GRK5: variants seen among roughly 807,000 people sequenced by gnomAD.
The protein encoded by GRK5 is G protein-coupled receptor kinase 5, also known as g protein-coupled receptor kinase GRK5.
In GRK5, 40 loss-of-function variants were observed where a neutral mutation model predicts 78.4. The ratio of observed to expected loss-of-function variants is 0.51; its 90% CI spans 0.40 to 0.66. The LOEUF (loss-of-function observed/expected upper bound fraction) is 0.66. Among genes scored for constraint, GRK5 ranks in the 30% least tolerant of loss-of-function variants. The probability of loss-of-function intolerance (pLI) is 0.00; values close to 1 mark genes in which losing one functional copy is unlikely to be tolerated. For synonymous variants in GRK5, 289 were observed against 296.8 expected (o/e 0.97, Z 0.27); for missense variants, 598 against 759.9 (o/e 0.79, Z 2.50).
chr10:119,383,703 G>A (rs960665745), intron 3 of GRK5, among the ~76,000 whole-genome samples: 2 of 152,254 alleles, frequency 1.3e-5, no homozygotes, highest in African/African-American at 2.4e-5. Flanking sequence ...TCAGTGGCTA[G>A]TGGGGGCCTC....
chr10:119,217,044 C>T lies in GRK5; in HGVS notation c.52+9075C>T, dbSNP rs1278938868. On this transcript the variant is annotated intron_variant, in intron 1 of 15. Transcript: ENST00000392870. This position sits in a 1 kb window ranked among gnomAD's most constrained non-coding sequence, Gnocchi z 4.1. ...ATTGCAAGTGGATCTCCCCTATCCTCCAAAGTGCTTTTATGTTCCAAAATA... is the reference window on the plus strand; with the variant it reads ...ATTGCAAGTGGATCTCCCCTATCCTTCAAAGTGCTTTTATGTTCCAAAATA... Among the ~76,000 whole-genome samples, 1 of 152,212 alleles carries T rather than the reference C, an allele frequency of 6.6e-6. No individual in the cohort carries two copies. Among genetic ancestry groups the T allele is most frequent in the African/African-American group, 2.4e-5 (1 of 41,446 alleles).
intron 1 of GRK5, among the ~76,000 whole-genome samples, chr10:119,209,572 G>C (rs1019262207): frequency 6.9e-6 from 1 of 145,766 alleles, no homozygotes; most frequent in African/African-American, 2.5e-5. Context: ...GCTCTCCTCT[G>C]GGTTGGGGAA....
chr10:119,393,756 C>T (rs1851925377), intron 3 of GRK5, among the ~76,000 whole-genome samples: 1 of 152,180 alleles, frequency 6.6e-6, no homozygotes, highest in South Asian at 2.1e-4. Flanking sequence ...CCTCTTAGAC[C>T]CTTAGTTTCT....
intron 1 of GRK5, among the ~76,000 whole-genome samples, chr10:119,215,197 G>A (rs1848551963): frequency 6.6e-6 from 1 of 152,198 alleles, no homozygotes; most frequent in African/African-American, 2.4e-5. Flanking sequence ...TAGGAATTAT[G>A]TTCCTGAAGC....
At chr10:119,293,670 C>A (rs1163853346) in intron 1 of GRK5, among the ~76,000 whole-genome samples, 1 of 151,546 alleles carries the variant, frequency 6.6e-6, no homozygotes, top group African/African-American at 2.4e-5. Context: ...CGTCACTGCC[C>A]AGGAGATTTG....
chr10:119,411,913 C>T (rs1043277284), intron 4 of GRK5, among the ~76,000 whole-genome samples: 11 of 134,730 alleles, frequency 8.2e-5, no homozygotes, highest in East Asian at 2.3e-4. Context: ...TCCAGTGGTG[C>T]GATCTCGGCT....
At chr10:119,232,849 T>C (rs773962030) in intron 1 of GRK5, among the ~76,000 whole-genome samples, 3 of 152,240 alleles carry the variant, frequency 2.0e-5, no homozygotes, top group Non-Finnish European at 4.4e-5. Flanking sequence ...CTAGCACAAA[T>C]AAATGATAAA....
intron 6 of GRK5, among the ~76,000 whole-genome samples, chr10:119,426,296 G>A (rs949230369): frequency 1.3e-5 from 2 of 152,240 alleles, no homozygotes; most frequent in African/African-American, 4.8e-5. Context: ...CCTGACTGGT[G>A]GGGATGACAG....
intron 1 of GRK5, among the ~76,000 whole-genome samples, chr10:119,265,511 C>T (rs1296638664): frequency 2.0e-5 from 3 of 152,260 alleles, no homozygotes; most frequent in Admixed American, 1.3e-4. Flanking sequence ...GACCAGAGCT[C>T]GCTCTCTCTA....
At chr10:119,372,132 G>A (rs1180407824) in intron 2 of GRK5, among the ~76,000 whole-genome samples, 2 of 152,272 alleles carry the variant, frequency 1.3e-5, no homozygotes, top group Admixed American at 6.5e-5. Context: ...AAAATTTCCC[G>A]CTGCTGAAAA....
intron 1 of GRK5, among the ~76,000 whole-genome samples, chr10:119,317,362 G>A: frequency 6.6e-6 from 1 of 151,952 alleles, no homozygotes; most frequent in South Asian, 2.1e-4. Context: ...GTGTGTGTGT[G>A]TGTGTGTGTG....
chr10:119,451,747 G>C (rs1205819952), intron 13 of GRK5, among the ~76,000 whole-genome samples: 1 of 152,240 alleles, frequency 6.6e-6, no homozygotes, highest in Non-Finnish European at 1.5e-5. Context: ...GAGCAGACTG[G>C]AGGGGAGAGT....
chr10:119,285,714 A>G (rs1429806678), intron 1 of GRK5, among the ~76,000 whole-genome samples: 1 of 152,168 alleles, frequency 6.6e-6, no homozygotes. Flanking sequence ...GAGCGGTGGC[A>G]GGCAAAAACT....
At chr10:119,240,740 T>C (rs1233104250) in intron 1 of GRK5, among the ~76,000 whole-genome samples, 1 of 152,136 alleles carries the variant, frequency 6.6e-6, no homozygotes, top group Non-Finnish European at 1.5e-5. Flanking sequence ...CTTTGTCAGA[T>C]GGATAGATTG....
In GRK5 at chr10:119,457,877, G is replaced by GT. The variant is rs1491251025; in HGVS notation, c.*2810_*2811insT. On this transcript the variant is annotated 3_prime_UTR_variant, in exon 16 of 16. Coordinates refer to ENST00000392870, the MANE Select transcript of GRK5 (RefSeq NM_005308.3). ...AATTTTTAAAATTTTTTGTAGAGAT[G>GT]GGGGGGGGGTCTCCCCATGTTGCCC... 1.1e-4 allele frequency: 1 copy of GT among 8,794 alleles called. No individual in the cohort carries two copies. Among genetic ancestry groups the GT allele is most frequent in the South Asian group, 5.1e-3 (1 of 196 alleles). 0.5% of individuals were successfully genotyped at this position (8,794 alleles called of 1,614,324 possible).
intron 10 of GRK5, among the ~76,000 whole-genome samples, chr10:119,440,439 G>A (rs568818516): frequency 2.0e-4 from 30 of 151,600 alleles, no homozygotes; most frequent in African/African-American, 2.9e-4. Flanking sequence ...GTGCAATGGC[G>A]TGATCTCGGC....
Position 119,412,927 on chromosome 10 carries a change from G to A in GRK5, c.340-10239G>A, listed in dbSNP as rs1051246988. On this transcript the variant is annotated intron_variant, in intron 4 of 15. Coordinates refer to ENST00000392870, the MANE Select transcript of GRK5 (RefSeq NM_005308.3). This position sits in a 1 kb window ranked among gnomAD's most constrained non-coding sequence, Gnocchi z 4.3. Reference sequence around the variant, plus strand: ...GAGTGAGCTCAGGGAATCGGAGCTCGGCGAGACGAGGGGAGCTCTTGGCCG... The same window carrying A: ...GAGTGAGCTCAGGGAATCGGAGCTCAGCGAGACGAGGGGAGCTCTTGGCCG... Among the ~76,000 whole-genome samples the A allele has an allele frequency of 5.9e-5, 9 of 152,272 alleles. No individual in the cohort carries two copies. The highest frequency in any genetic ancestry group is 3.9e-4 in the East Asian group (2 of 5,172).
chr10:119,260,473 T>C (rs377680273), intron 1 of GRK5, among the ~76,000 whole-genome samples: 3 of 149,690 alleles, frequency 2.0e-5, no homozygotes, highest in East Asian at 2.0e-4. Context: ...GGCAGGGTCA[T>C]AGGACAATAG....
At chr10:119,226,077 G>A (rs1211738630) in intron 1 of GRK5, among the ~76,000 whole-genome samples, 2 of 151,626 alleles carry the variant, frequency 1.3e-5, no homozygotes, top group South Asian at 2.1e-4. Flanking sequence ...TCGATCTCCC[G>A]ACCTCATGAT....
Sources: gnomAD v4.1 joint callset for allele counts (sites outside exome capture counted in the v4.1 genomes callset) on GRCh38, gnomAD v4.1.1 for gene constraint, Gnocchi (gnomAD v3.1) non-coding constraint, MANE v1.5 for transcripts, NCBI Gene and HGNC (gene_info 2026-07-23, HGNC 2026-07-21) for gene names.